TBL2: variants seen among roughly 807,000 people sequenced by gnomAD.
The protein encoded by TBL2 is transducin beta-like protein 2.
In TBL2, 33 loss-of-function variants were observed where a neutral mutation model predicts 41.8. That is an observed-to-expected ratio of 0.79 (90% CI 0.60 to 1.06). TBL2 has a LOEUF of 1.06. TBL2 is among the 50% of genes least tolerant of loss of function. TBL2 has a pLI of 0.00. For missense variants in TBL2, 522 were observed against 603.8 expected, an observed-to-expected ratio of 0.86 and a Z score of 1.42; for synonymous variants, 239 against 241.7, an observed-to-expected ratio of 0.99 and a Z score of 0.10.
At position 73,569,893 on chromosome 7, in the gene TBL2, T is replaced by C. The variant is rs1792819483; in HGVS notation, c.*614A>G. On this transcript the variant is annotated 3_prime_UTR_variant, in exon 7 of 7. Coordinates refer to ENST00000305632, the MANE Select transcript of TBL2 (RefSeq NM_012453.4). ...CTGGTTCCCACTTTTACCACTTTCA[T>C]GACATTGGACAATAGTACTACTCTT... 6.6e-6 allele frequency: 1 copy of C among 152,232 alleles called. No individual in the cohort carries two copies. Among genetic ancestry groups the C allele is most frequent in the African/African-American group, 2.4e-5 (1 of 41,470 alleles). The allele number at this position is 152,232 out of a possible 1,614,324, so 9.4% of individuals were successfully genotyped here.
rs1481680133 is a variant in TBL2 at position 73,573,087 on chromosome 7, G to A, written c.599-117C>T. On this transcript the variant is annotated intron_variant, in intron 4 of 6. Transcript: ENST00000305632. ...TATACATGTCTCCTCCCAGGCCAAGGGTCACTACAGATAAGGACTCTGCTG... is the reference window on the plus strand; with the variant it reads ...TATACATGTCTCCTCCCAGGCCAAGAGTCACTACAGATAAGGACTCTGCTG... 3.4e-6 allele frequency: 5 copies of A among 1,484,638 alleles called. No individual in the cohort carries two copies. The African/African-American group carries it at 4.1e-5, about 12-fold the overall frequency. 92.0% of individuals were successfully genotyped at this position (1,484,638 alleles called of 1,614,324 possible).
rs1554587396 is a variant in TBL2 at position 73,570,986 on chromosome 7, A to G, written c.879-14T>C. 6.3e-7 allele frequency: 1 copy of G among 1,587,460 alleles called. No individual in the cohort carries two copies. Among genetic ancestry groups the G allele is most frequent in the Admixed American group, 1.7e-5 (1 of 57,934 alleles). ...ACAGAAGCCATCCTGCAACACAGAA[A>G]ATCACAGCTCAAGCCCCAACACACC... On this transcript the variant is annotated splice_polypyrimidine_tract_variant and intron_variant, in intron 6 of 6. Transcript: ENST00000305632.
At position 73,570,702 on chromosome 7, in the gene TBL2, G is replaced by A; in HGVS notation, c.1149C>T (p.Ile383=). 6.2e-7 allele frequency: 1 copy of A among 1,614,162 alleles called. No individual in the cohort carries two copies. Among genetic ancestry groups the A allele is most frequent in the Non-Finnish European group, 8.5e-7 (1 of 1,180,012 alleles). ...CACAGGAGGCCAGAAAGCGGCCAGT[G>A]ATGTCAAAGGACAAGTTGGCGATAC... ...GECIANLSFD[I]TGRFLASCGD... The change falls in exon 7 of 7, where the codon ATC becomes ATT. Residue 383 remains isoleucine (I), a synonymous_variant. Transcript: ENST00000305632.
In TBL2 at chr7:73,573,447, G is replaced by C; in HGVS notation, c.471C>G (p.Asn157Lys). The change falls in exon 4 of 7, where the codon AAC (asparagine) becomes AAG (lysine). Residue 157 changes from asparagine (N) to lysine (K), a missense_variant. Asn to Lys is a moderately conservative substitution (Grantham distance 94). Coordinates refer to ENST00000305632, the MANE Select transcript of TBL2 (RefSeq NM_012453.4). ...TCTTGAAGACACGGAGGGTGTCCCC[G>C]TTGGCCAGCCAGACGATGAAGGCTC... ...DCRAFIVWLANGDTLRVFKMT... is the reference protein window; with the variant it reads ...DCRAFIVWLAKGDTLRVFKMT... 6.2e-7 allele frequency: 1 copy of C among 1,613,996 alleles called. No homozygotes were observed. The highest frequency in any genetic ancestry group is 8.5e-7 in the Non-Finnish European group (1 of 1,179,994).
chr7:73,570,308 G>A lies in TBL2; in HGVS notation c.*199C>T, dbSNP rs1792842209. The A allele has an allele frequency of 1.0e-6, 1 of 980,222 alleles. No homozygotes were observed. The highest frequency in any genetic ancestry group is 3.6e-5 in the Admixed American group (1 of 28,010). 60.7% of individuals were successfully genotyped at this position (980,222 alleles called of 1,614,324 possible). ...AGGAAGAAAAGCACCTTGGCCACTA[G>A]TCAGGGAGGAGTCACAGCCAGCAAG... On this transcript the variant is annotated 3_prime_UTR_variant, in exon 7 of 7. Coordinates refer to ENST00000305632, the MANE Select transcript of TBL2 (RefSeq NM_012453.4).
At chr7:73,577,226 C>T (rs1793379279) in intron 1 of TBL2, among the ~76,000 whole-genome samples, 1 of 143,744 alleles carries the variant, frequency 7.0e-6, no homozygotes, top group African/African-American at 2.6e-5. Flanking sequence ...CGCCACTAGA[C>T]TCCAGATTGG....
At chr7:73,571,602 C>T (rs1792959751) in intron 5 of TBL2, 1 of 383,240 alleles carries the variant, frequency 2.6e-6, no homozygotes, top group South Asian at 2.5e-5. Context: ...ACTAAAAATA[C>T]AAAATTAGCC....
intron 5 of TBL2, chr7:73,571,996 G>A (rs1175116841): frequency 6.2e-6 from 1 of 161,020 alleles, no homozygotes; most frequent in Non-Finnish European, 1.4e-5. Flanking sequence ...CCGGGAGACG[G>A]AGGTTGTGGT....
rs1453146584 is a variant in TBL2 at position 73,570,139 on chromosome 7, G to A, written c.*368C>T. ...TGCTTAGTACTCAGGTGTTCTCTAG[G>A]TTGTTCTGGAACATTTACAAACTTC... On this transcript the variant is annotated 3_prime_UTR_variant, in exon 7 of 7. Transcript: ENST00000305632. 1 of 194,770 alleles carries A rather than the reference G, an allele frequency of 5.1e-6. No individual in the cohort carries two copies. The highest frequency in any genetic ancestry group is 1.1e-5 in the Non-Finnish European group (1 of 94,906). The allele number at this position is 194,770 out of a possible 1,614,324, so 12.1% of individuals were successfully genotyped here.
In TBL2 at chr7:73,567,812, T is replaced by A. The variant is rs1274789122; in HGVS notation, c.*2695A>T. 6.6e-6 allele frequency among the ~76,000 whole-genome samples: 1 copy of A among 152,100 alleles called. No homozygotes were observed. The highest frequency in any genetic ancestry group is 1.5e-5 in the Non-Finnish European group (1 of 68,024). The stretch of plus-strand genomic sequence containing the variant: ...CTGAAACACAACATGGCAAGGTGGG[T>A]AGCACAGGATTCATTCTTATTTTGC... On this transcript the variant is annotated 3_prime_UTR_variant, in exon 7 of 7. Transcript: ENST00000305632.
At chr7:73,574,879 TC>T (rs1227648347) in intron 1 of TBL2, 2 of 371,686 alleles carry the variant, frequency 5.4e-6, no homozygotes, top group Non-Finnish European at 1.1e-5. Context: ...TTGGATTCTG[TC>T]TCTACTACTG....
chr7:73,570,585 C>T lies in TBL2; in HGVS notation c.1266G>A (p.Glu422=), dbSNP rs1554587158. Residue 422 remains glutamate, a synonymous_variant, in exon 7 of 7, where the codon GAG becomes GAA. Transcript: ENST00000305632. ...MQGHLKRASN[E]STRQRLQQQL... ...GCTGCTGCAGCCTCTGGCGGGTGCT[C>T]TCGTTGGAGGCCCGCTTCAGGTGGC... is the stretch of plus-strand genomic sequence containing the variant. The T allele has an allele frequency of 6.2e-7, 1 of 1,610,884 alleles. No homozygotes were observed. Among genetic ancestry groups the T allele is most frequent in the Non-Finnish European group, 8.5e-7 (1 of 1,178,878 alleles).
chr7:73,574,148 C>A, intron 2 of TBL2, 26 bp from the exon 3 acceptor site: 1 of 1,610,320 alleles, frequency 6.2e-7, no homozygotes, highest in South Asian at 1.1e-5. Flanking sequence ...CAGGAAGTGT[C>A]AATAGGAGCT....
rs1554586618 is a variant in TBL2 at position 73,568,587 on chromosome 7, C to A, written c.*1920G>T. Among the ~76,000 whole-genome samples, 1 of 152,100 alleles carries A rather than the reference C, an allele frequency of 6.6e-6. No homozygotes were observed. The highest frequency in any genetic ancestry group is 2.4e-5 in the African/African-American group (1 of 41,420). The stretch of plus-strand genomic sequence containing the variant: ...CATAGCATTTAGAGGGGGGACGAAG[C>A]CAGGTTACACAGGACCTTGCAGGCC... On this transcript the variant is annotated 3_prime_UTR_variant, in exon 7 of 7. Transcript: ENST00000305632.
rs1554588337 is a variant in TBL2 at position 73,574,025 on chromosome 7, T to C, written c.359A>G (p.Lys120Arg). 1 of 1,614,190 alleles carries C rather than the reference T, an allele frequency of 6.2e-7. No individual in the cohort carries two copies. Among genetic ancestry groups the C allele is most frequent in the Admixed American group, 1.7e-5 (1 of 60,012 alleles). Residue 120 changes from lysine (K) to arginine (R), a missense_variant, in exon 3 of 7, where the codon AAG becomes AGG. Physicochemically the swap from Lys to Arg is conservative, Grantham distance 26 (BLOSUM62 2). Coordinates refer to ENST00000305632, the MANE Select transcript of TBL2 (RefSeq NM_012453.4). ...DDRTIRIWST[K>R]DFLQREHRSM... is the part of the protein sequence containing the mutation. ...GCGGTGCTCTCGCTGCAGGAAGTCC[T>C]TGGTGCTCCAGATGCGGATGGTGCG...
rs1793476930 is a variant in TBL2 at position 73,578,417 on chromosome 7, T to A, written c.130+3A>T. ...CGCCCCCACCCGACCCGGCCCCACT[T>A]ACAGGCGGGCCGGCCGCTCCTCTCC... On this transcript the variant is annotated splice_donor_region_variant and intron_variant, in intron 1 of 6. Transcript: ENST00000305632. 1.3e-6 allele frequency: 2 copies of A among 1,525,526 alleles called. No individual in the cohort carries two copies. The highest frequency in any genetic ancestry group is 1.8e-6 in the Non-Finnish European group (2 of 1,137,704). 94.5% of individuals were successfully genotyped at this position (1,525,526 alleles called of 1,614,324 possible).
At chr7:73,574,586 G>A (rs781957652) in intron 1 of TBL2, 73 bp from the exon 2 acceptor site, 4 of 1,601,478 alleles carry the variant, frequency 2.5e-6, no homozygotes, top group East Asian at 2.2e-5. Context: ...GATGAGCCAG[G>A]CATTGAGTGG....
intron 1 of TBL2, among the ~76,000 whole-genome samples, chr7:73,575,417 A>G (rs1480480161): frequency 6.6e-6 from 1 of 151,906 alleles, no homozygotes; most frequent in Non-Finnish European, 1.5e-5. Context: ...CAGCCTCCCA[A>G]GTAGCTGGGA....
rs78665751 is a variant in TBL2 at position 73,568,334 on chromosome 7, G to T, written c.*2173C>A. On this transcript the variant is annotated 3_prime_UTR_variant, in exon 7 of 7. Coordinates refer to ENST00000305632, the MANE Select transcript of TBL2 (RefSeq NM_012453.4). The stretch of plus-strand genomic sequence containing the variant: ...CAATAAGAGAGTAGTGGACTGCATC[G>T]GGCCGACCTTAGTGTTTTGTTTGGT... 0.012 allele frequency among the ~76,000 whole-genome samples: 1,900 copies of T among 152,220 alleles called. 39 individuals carry two copies. Among genetic ancestry groups the T allele is most frequent in the African/African-American group, 0.043 (1,802 of 41,514 alleles).
Sources: gnomAD v4.1 joint callset for allele counts (sites outside exome capture counted in the v4.1 genomes callset) on GRCh38, gnomAD v4.1.1 for gene constraint, MANE v1.5 for transcripts, NCBI Gene and HGNC (gene_info 2026-07-23, HGNC 2026-07-21) for gene names.